MCUR1: variants seen among roughly 807,000 people sequenced by gnomAD.
MCUR1 encodes MCU regulator 1.
MCUR1 carries 37 observed loss-of-function variants against 42.0 expected under a neutral mutation model. The ratio of observed to expected loss-of-function variants is 0.88; its 90% CI spans 0.68 to 1.16. MCUR1 has a LOEUF of 1.16. Ranked by LOEUF, MCUR1 falls within the 50% of genes most tolerant of loss-of-function variation. MCUR1 has a pLI of 0.00. For synonymous variants in MCUR1, 229 were observed against 196.2 expected, an observed-to-expected ratio of 1.17 and a Z score of -1.40; for missense variants, 469 against 468.4, an observed-to-expected ratio of 1.00 and a Z score of -0.01.
intron 8 of MCUR1, among the ~76,000 whole-genome samples, chr6:13,791,327 G>T (rs546084515): frequency 6.6e-6 from 1 of 152,186 alleles, no homozygotes; most frequent in Non-Finnish European, 1.5e-5. Flanking sequence ...ATAGAGACAG[G>T]AAGACACAAT....
At chr6:13,793,462 C>T (rs1759780706) in intron 7 of MCUR1, among the ~76,000 whole-genome samples, 1 of 152,160 alleles carries the variant, frequency 6.6e-6, no homozygotes, top group Admixed American at 6.6e-5. Flanking sequence ...GTCATTTCAA[C>T]AACATGGATG....
intron 1 of MCUR1, among the ~76,000 whole-genome samples, chr6:13,807,907 G>C (rs773748211): frequency 6.6e-5 from 10 of 152,250 alleles, no homozygotes; most frequent in East Asian, 1.9e-4. Flanking sequence ...TTATGGGCTT[G>C]TTGGCCATTT....
chr6:13,803,322 A>G (rs1760034342), intron 2 of MCUR1, among the ~76,000 whole-genome samples: 1 of 152,218 alleles, frequency 6.6e-6, no homozygotes, highest in Non-Finnish European at 1.5e-5. Flanking sequence ...TGGCCTCCCA[A>G]CGTGCTGGGA....
intron 6 of MCUR1, among the ~76,000 whole-genome samples, chr6:13,795,141 A>AAAAGAG (rs1759827635): frequency 6.6e-6 from 1 of 151,992 alleles, no homozygotes; most frequent in Non-Finnish European, 1.5e-5. Flanking sequence ...AAAAAGAAAA[A>AAAAGAG]AAAGAGAAAG....
intron 2 of MCUR1, chr6:13,804,030 A>C: frequency 1.0e-6 from 1 of 976,152 alleles, no homozygotes; most frequent in Non-Finnish European, 1.2e-6. Context: ...AAACATAATT[A>C]GGTTTGGCAA....
chr6:13,786,925 C>G lies in MCUR1; in HGVS notation c.*3884G>C, dbSNP rs1335387876. 1 of 152,094 alleles carries G rather than the reference C, an allele frequency of 6.6e-6. No individual in the cohort carries two copies. Among genetic ancestry groups the G allele is most frequent in the Admixed American group, 6.5e-5 (1 of 15,280 alleles). 9.4% of individuals were successfully genotyped at this position (152,094 alleles called of 1,614,324 possible). On this transcript the variant is annotated 3_prime_UTR_variant, in exon 9 of 9. Coordinates refer to ENST00000379170, the MANE Select transcript of MCUR1 (RefSeq NM_001031713.4). Reference sequence around the variant, plus strand: ...TAAACATTCTCAAATATTTTACATACATGAAGAATAAATTATTTCTGGTTA... The same window carrying G: ...TAAACATTCTCAAATATTTTACATAGATGAAGAATAAATTATTTCTGGTTA...
rs368545523 is a variant in MCUR1, at chr6:13,807,366, CTT to C, written c.416-324_416-323del. On this transcript the variant is annotated intron_variant, in intron 1 of 8. Coordinates refer to ENST00000379170, the MANE Select transcript of MCUR1 (RefSeq NM_001031713.4). Reference sequence around the variant, plus strand: ...ACAAGCACTGGTCTATTTGCTGTCTCTTTTGTTTACCTACTCTGAAGATTTCA... The same window carrying C: ...ACAAGCACTGGTCTATTTGCTGTCTCTTGTTTACCTACTCTGAAGATTTCA... Among the ~76,000 whole-genome samples, 426 of 152,244 alleles carry C rather than the reference CTT, an allele frequency of 2.8e-3. 2 individuals are homozygous for C. The highest frequency in any genetic ancestry group is 9.7e-3 in the African/African-American group (402 of 41,532).
At position 13,790,844 on chromosome 6, in the gene MCUR1, T is replaced by A. The variant is rs372464016; in HGVS notation, c.1045A>T (p.Thr349Ser). The change falls in exon 9 of 9, where the codon ACA becomes TCA. Residue 349 changes from threonine (T) to serine (S), a missense_variant. By Grantham distance (58) the Thr-to-Ser change is moderately conservative. Coordinates refer to ENST00000379170, the MANE Select transcript of MCUR1 (RefSeq NM_001031713.4). ...AGGCGATAAAATCCCAGAGCTACTG[T>A]TAGGCACGTAAATATAGACCCTGTA... is the stretch of plus-strand genomic sequence containing the variant. ...YLAGSIFTCLTVALGFYRLWI is the reference protein window; with the variant it reads ...YLAGSIFTCLSVALGFYRLWI The A allele has an allele frequency of 7.1e-5, 115 of 1,611,694 alleles. No homozygotes were observed. The highest frequency in any genetic ancestry group is 1.8e-5 in the Non-Finnish European group (21 of 1,178,192).
rs375233541 is a variant in MCUR1, at chr6:13,805,558, A to G, written c.535+1367T>C. Reference sequence around the variant, plus strand: ...GAAGGGGAAAAAAGCTTCCTAAGCTAGGCAACTAGAAGTCTGCAGGGTTAG... The same window carrying G: ...GAAGGGGAAAAAAGCTTCCTAAGCTGGGCAACTAGAAGTCTGCAGGGTTAG... On this transcript the variant is annotated intron_variant, in intron 2 of 8. Coordinates refer to ENST00000379170, the MANE Select transcript of MCUR1 (RefSeq NM_001031713.4). 2.1e-3 allele frequency among the ~76,000 whole-genome samples: 314 copies of G among 152,354 alleles called. 2 individuals carry two copies. Among genetic ancestry groups the G allele is most frequent in the Non-Finnish European group, 3.4e-3 (229 of 68,028 alleles).
Position 13,814,425 on chromosome 6 carries a change from TCCATC to T in MCUR1, c.-1_4del, listed in dbSNP as rs1452281904. On this transcript the variant is annotated start_lost and 5_prime_UTR_variant, in exon 1 of 9. Coordinates refer to ENST00000379170, the MANE Select transcript of MCUR1 (RefSeq NM_001031713.4). The stretch of plus-strand genomic sequence containing the variant: ...CCTCTGGCCGCCGACCGAGCCGCAG[TCCATC>T]CCCGAGCAGTTCACTGGCCCGGGCG... The T allele has an allele frequency of 1.3e-6, 2 of 1,536,724 alleles. No homozygotes were observed. Among genetic ancestry groups the T allele is most frequent in the African/African-American group, 2.8e-5 (2 of 70,424 alleles).
rs1395306191 is a variant in MCUR1 at position 13,801,289 on chromosome 6, T to C, written c.740A>G (p.Glu247Gly). The part of the protein sequence containing the change: ...SEFSALRAEN[E>G]KIKLELHQLK... ...TAAGTGTGAGAGGCTCTGTTTTACC[T>C]CATTTTCTGCTCTGAGGGCTGAAAA... Residue 247 changes from glutamate to glycine, a missense_variant and splice_region_variant, in exon 4 of 9, where the codon GAG becomes GGG. By Grantham distance (98) the Glu-to-Gly change is moderately conservative. Coordinates refer to ENST00000379170, the MANE Select transcript of MCUR1 (RefSeq NM_001031713.4). 6.2e-7 allele frequency: 1 copy of C among 1,603,102 alleles called. No homozygotes were observed. Among genetic ancestry groups the C allele is most frequent in the Non-Finnish European group, 8.5e-7 (1 of 1,171,224 alleles).
rs1256282688 is a variant in MCUR1 at position 13,802,258 on chromosome 6, G to A, written c.624C>T (p.Val208=). 8 of 1,613,540 alleles carry A rather than the reference G, an allele frequency of 5.0e-6. No individual in the cohort carries two copies. The highest frequency in any genetic ancestry group is 1.3e-5 in the African/African-American group (1 of 74,886). The change falls in exon 3 of 9, where the codon GTC becomes GTT. Residue 208 remains valine (V), a synonymous_variant. Coordinates refer to ENST00000379170, the MANE Select transcript of MCUR1 (RefSeq NM_001031713.4). ...CAAGGCTAACCTGCTGCATCTTGGT[G>A]ACCATATCTTTGTAGACGATGTCCA... ...ANMDIVYKDM[V]TKMQQEITFQ...
intron 2 of MCUR1, chr6:13,803,720 G>T: frequency 2.0e-6 from 2 of 977,852 alleles, no homozygotes; most frequent in Non-Finnish European, 2.4e-6. Context: ...AAATACAAAA[G>T]GTTACTCACC....
intron 1 of MCUR1, among the ~76,000 whole-genome samples, chr6:13,810,602 T>C (rs145667564): frequency 6.0e-4 from 91 of 152,208 alleles, no homozygotes; most frequent in African/African-American, 2.0e-3. Flanking sequence ...CCGATTACCC[T>C]ATAATGAAAT....
Position 13,786,891 on chromosome 6 carries a change from A to G in MCUR1, c.*3918T>C, listed in dbSNP as rs546300434. 3.9e-5 allele frequency: 6 copies of G among 152,342 alleles called. No homozygotes were observed. The East Asian group carries it at 1.2e-3, about 29-fold the overall frequency. The allele number at this position is 152,342 out of a possible 1,614,324, so 9.4% of individuals were successfully genotyped here. On this transcript the variant is annotated 3_prime_UTR_variant, in exon 9 of 9. Transcript: ENST00000379170. The stretch of plus-strand genomic sequence containing the variant: ...TAAATATTTTCCAAATAAAATTCTA[A>G]TAAAAGGCTAAACATTCTCAAATAT...
rs1256697869 is a variant in MCUR1 at position 13,788,829 on chromosome 6, G to C, written c.*1980C>G. 4 of 152,180 alleles carry C rather than the reference G, an allele frequency of 2.6e-5. No homozygotes were observed. Among genetic ancestry groups the C allele is most frequent in the Non-Finnish European group, 5.9e-5 (4 of 68,032 alleles). 9.4% of individuals were successfully genotyped at this position (152,180 alleles called of 1,614,324 possible). On this transcript the variant is annotated 3_prime_UTR_variant, in exon 9 of 9. Transcript: ENST00000379170. ...TGCTATTGCTCATGCAAAAGTACTTGATTTTCATACTATATGGAGCTCACA... is the reference window on the plus strand; with the variant it reads ...TGCTATTGCTCATGCAAAAGTACTTCATTTTCATACTATATGGAGCTCACA...
At chr6:13,812,838 A>G (rs1293449140) in intron 1 of MCUR1, among the ~76,000 whole-genome samples, 1 of 152,226 alleles carries the variant, frequency 6.6e-6, no homozygotes, top group Non-Finnish European at 1.5e-5. Context: ...GATTATCAGA[A>G]ATGATTTTTT....
At chr6:13,790,893 A>T in intron 8 of MCUR1, 29 bp from the exon 9 acceptor site, 1 of 1,511,260 alleles carries the variant, frequency 6.6e-7, no homozygotes, top group Non-Finnish European at 9.1e-7. Flanking sequence ...TGAGAGTACT[A>T]TTAGTTCTAT....
At chr6:13,801,443 C>G in intron 3 of MCUR1, 54 bp from the exon 4 acceptor site, 1 of 1,229,780 alleles carries the variant, frequency 8.1e-7, no homozygotes, top group Non-Finnish European at 1.2e-6. Flanking sequence ...AAGTCCACTT[C>G]CTATCATCTC....
Sources: gnomAD v4.1 joint callset for allele counts (sites outside exome capture counted in the v4.1 genomes callset) on GRCh38, gnomAD v4.1.1 for gene constraint, MANE v1.5 for transcripts, NCBI Gene and HGNC (gene_info 2026-07-23, HGNC 2026-07-21) for gene names.